MTMR1: variants seen among roughly 807,000 people sequenced by gnomAD.
The protein encoded by MTMR1 is myotubularin related protein 1.
In MTMR1, 17 loss-of-function variants were observed where a neutral mutation model predicts 51.6. That is an observed-to-expected ratio of 0.33 (90% CI 0.23 to 0.49). MTMR1 has a LOEUF of 0.49. MTMR1 is among the 20% of genes least tolerant of loss of function. The pLI is 0.99. For synonymous variants in MTMR1, 201 were observed against 205.6 expected (o/e 0.98, Z 0.19); for missense variants, 386 against 526.9 (o/e 0.73, Z 2.62).
chrX:150,700,539 C>G (rs1008508735), intron 2 of MTMR1, among the ~76,000 whole-genome samples: 1 of 112,489 alleles, frequency 8.9e-6, no homozygotes, highest in African/African-American at 3.2e-5. Context: ...AAAAGAGCAG[C>G]TGGGGCTCCT....
intron 2 of MTMR1, among the ~76,000 whole-genome samples, chrX:150,708,577 G>T (rs1325197799): frequency 9.0e-6 from 1 of 111,063 alleles, no homozygotes; most frequent in Non-Finnish European, 1.9e-5. Context: ...TTTAGTTAAC[G>T]ACAAGATGAT....
At chrX:150,710,409 T>C (rs2041267220) in intron 2 of MTMR1, among the ~76,000 whole-genome samples, 1 of 111,829 alleles carries the variant, frequency 8.9e-6, no homozygotes, top group African/African-American at 3.3e-5. Flanking sequence ...TCACCCAGGC[T>C]GGAGTGCAGT....
rs1557416246 is a variant in MTMR1 at position 150,712,337 on chromosome X, A to T, written c.253-5A>T. ...GATGATGATATTCTGTATTTTAACT[A>T]ACAGGTTTTCAGGAGGCCTGATCTA... On this transcript the variant is annotated splice_polypyrimidine_tract_variant and splice_region_variant and intron_variant, in intron 2 of 15. Coordinates refer to ENST00000445323, the MANE Select transcript of MTMR1 (RefSeq NM_001306144.3). 2 of 1,164,206 alleles carry T rather than the reference A, an allele frequency of 1.7e-6. No individual in the cohort carries two copies. The highest frequency in any genetic ancestry group is 2.3e-6 in the Non-Finnish European group (2 of 871,030).
intron 14 of MTMR1, chrX:150,751,048 C>G (rs782488499): frequency 2.3e-5 from 27 of 1,150,957 alleles, no homozygotes; most frequent in Middle Eastern, 2.5e-4. Flanking sequence ...GGCTGGGACC[C>G]AGCGAGCCCG....
chrX:150,702,088 C>CTTTTT (rs34358686), intron 2 of MTMR1, among the ~76,000 whole-genome samples: 5 of 94,899 alleles, frequency 5.3e-5, no homozygotes, highest in Admixed American at 1.2e-4. Context: ...TTCTTTCTTT[C>CTTTTT]TTTTTTTTTT....
chrX:150,757,330 G>C (rs1280466905), intron 15 of MTMR1, among the ~76,000 whole-genome samples: 1 of 112,509 alleles, frequency 8.9e-6, no homozygotes, highest in Non-Finnish European at 1.9e-5. Flanking sequence ...ACTCCTCACT[G>C]GATCCTTTGC....
chrX:150,752,039 C>T (rs1040658857), intron 14 of MTMR1, among the ~76,000 whole-genome samples: 13 of 107,312 alleles, frequency 1.2e-4, no homozygotes, highest in Non-Finnish European at 2.3e-4. Flanking sequence ...GCCGCAGCCT[C>T]CCGAGTAGCT....
At position 150,732,675 on chromosome X, in the gene MTMR1, C is replaced by T; in HGVS notation, c.1025C>T (p.Ser342Leu). The stretch of plus-strand genomic sequence containing the variant: ...ACAATAATGGATGCTAACGCACAGT[C>T]ACACAAGCTTATCATCTTTGATGCT... ...LQTIMDANAQSHKLIIFDARQ... is the reference protein window; with the variant it reads ...LQTIMDANAQLHKLIIFDARQ... Residue 342 changes from serine (S) to leucine (L), a missense_variant, in exon 10 of 16, where the codon TCA becomes TTA. Transcript: ENST00000445323. 8.3e-7 allele frequency: 1 copy of T among 1,210,676 alleles called. No homozygotes were observed. The highest frequency in any genetic ancestry group is 1.1e-6 in the Non-Finnish European group (1 of 894,839).
At chrX:150,715,630 T>TATATATA (rs2041483099) in intron 3 of MTMR1, among the ~76,000 whole-genome samples, 1 of 112,256 alleles carries the variant, frequency 8.9e-6, no homozygotes, top group Non-Finnish European at 1.9e-5. Flanking sequence ...TCTACTATAC[T>TATATATA]CACCAAAGCA....
At position 150,750,940 on chromosome X, in the gene MTMR1, C is replaced by T. The variant is rs1183443745; in HGVS notation, c.1680+97C>T. ...GGAGGGCTGAGGGGAGGGAGGACTG[C>T]GCTCTGGTGCTATTGCTGACTGTAA... On this transcript the variant is annotated intron_variant, in intron 14 of 15. Transcript: ENST00000445323. The T allele has an allele frequency of 1.1e-5, 11 of 1,016,281 alleles. No homozygotes were observed. The Admixed American group carries it at 1.2e-4, about 11-fold the overall frequency. The allele number at this position is 1,016,281 out of a possible 1,213,427, so 83.8% of individuals were successfully genotyped here.
intron 12 of MTMR1, among the ~76,000 whole-genome samples, chrX:150,744,053 T>C (rs1337591572): frequency 2.7e-5 from 3 of 112,880 alleles, no homozygotes; most frequent in African/African-American, 9.6e-5. Context: ...GTACACTTAG[T>C]GTGGTGGCTG....
intron 15 of MTMR1, among the ~76,000 whole-genome samples, chrX:150,760,395 C>T (rs1346677551): frequency 9.0e-6 from 1 of 110,941 alleles, no homozygotes; most frequent in African/African-American, 3.3e-5. Context: ...GGCAGTGGCT[C>T]GATTGGCTGC....
intron 3 of MTMR1, chrX:150,712,689 G>A (rs144129006): frequency 0.016 from 3,825 of 241,166 alleles, 31 homozygotes; most frequent in Non-Finnish European, 0.022. Context: ...GGGCTACTGA[G>A]GTCTCTTTTA....
At chrX:150,725,268 C>T (rs926575026) in intron 4 of MTMR1, among the ~76,000 whole-genome samples, 1 of 111,582 alleles carries the variant, frequency 9.0e-6, no homozygotes, top group Non-Finnish European at 1.9e-5. Flanking sequence ...TTGTAATTCT[C>T]ATTGTACAGA....
chrX:150,759,667 A>G (rs1335938931), intron 15 of MTMR1, among the ~76,000 whole-genome samples: 2 of 109,396 alleles, frequency 1.8e-5, no homozygotes, highest in Non-Finnish European at 3.9e-5. Context: ...TAAAACCTAC[A>G]AACTGCGCGA....
At chrX:150,748,134 T>C (rs1300338394) in intron 13 of MTMR1, among the ~76,000 whole-genome samples, 1 of 110,879 alleles carries the variant, frequency 9.0e-6, no homozygotes, top group Non-Finnish European at 1.9e-5. Flanking sequence ...ACTAATCCCA[T>C]TCACTAGAGC....
intron 4 of MTMR1, among the ~76,000 whole-genome samples, chrX:150,719,795 A>G (rs149768011): frequency 0.015 from 1,710 of 112,245 alleles, 29 homozygotes; most frequent in African/African-American, 0.051. Flanking sequence ...CATCAGATAC[A>G]TATTTTGAAT....
intron 8 of MTMR1, among the ~76,000 whole-genome samples, chrX:150,730,826 G>A (rs1341387280): frequency 8.9e-6 from 1 of 112,108 alleles, no homozygotes; most frequent in Admixed American, 9.5e-5. Flanking sequence ...TCCAGAGGGT[G>A]AGTGGGACTC....
intron 3 of MTMR1, among the ~76,000 whole-genome samples, chrX:150,714,212 G>A (rs1028984038): frequency 9.0e-6 from 1 of 111,454 alleles, no homozygotes; most frequent in African/African-American, 3.3e-5. Context: ...AATCCATGAT[G>A]TTTGTTTGCT....
Sources: gnomAD v4.1 joint callset for allele counts (sites outside exome capture counted in the v4.1 genomes callset) on GRCh38, gnomAD v4.1.1 for gene constraint, MANE v1.5 for transcripts, NCBI Gene and HGNC (gene_info 2026-07-23, HGNC 2026-07-21) for gene names.